Variants in HMG20A observed in about 807,000 individuals in gnomAD.
HMG20A encodes high mobility group protein 20A.
Under a neutral mutation model 43.9 loss-of-function variants are expected in HMG20A, and 17 were observed. The observed-to-expected ratio is 0.39, with a 90% CI of 0.27 to 0.58. The LOEUF (loss-of-function observed/expected upper bound fraction) is 0.58. Among genes scored for constraint, HMG20A ranks in the 20% least tolerant of loss-of-function variants. The probability of loss-of-function intolerance (pLI) is 0.59; values close to 1 mark genes in which losing one functional copy is unlikely to be tolerated. For synonymous variants in HMG20A, 132 were observed against 147.5 expected (o/e 0.89, Z 0.76); for missense variants, 341 against 438.2 (o/e 0.78, Z 1.98).
At chr15:77,471,685 A>G (rs2072810204) in intron 5 of HMG20A, 98 bp from the exon 6 acceptor site, 3 of 756,754 alleles carry the variant, frequency 4.0e-6, no homozygotes, top group African/African-American at 1.8e-5. Context: ...GAATCTACAT[A>G]TACAAGCAGG....
Position 77,467,076 on chromosome 15 carries a change from A to T in HMG20A, c.238-19A>T, listed in dbSNP as rs761122245. The T allele has an allele frequency of 1.9e-6, 3 of 1,590,492 alleles. No homozygotes were observed. Among genetic ancestry groups the T allele is most frequent in the Non-Finnish European group, 8.6e-7 (1 of 1,165,994 alleles). On this transcript the variant is annotated intron_variant, in intron 3 of 9. Coordinates refer to ENST00000336216, the MANE Select transcript of HMG20A (RefSeq NM_001304504.2). ...GTTGTTGTTTGGTTTTTGGTTTTTT[A>T]TTTTGTTTTGTTTTGTAGCAACGAA...
chr15:77,486,441 A>C (rs1322321845), downstream of HMG20A, among the ~76,000 whole-genome samples: 1 of 151,878 alleles, frequency 6.6e-6, no homozygotes, highest in African/African-American at 2.4e-5. Context: ...TTGTATTTTT[A>C]GTAGAGACAG....
intron 6 of HMG20A, 126 bp from the exon 7 acceptor site, chr15:77,477,429 C>A: frequency 1.5e-6 from 1 of 661,354 alleles, no homozygotes; most frequent in Non-Finnish European, 2.6e-6. Flanking sequence ...CCCTCACAGA[C>A]TCACCTGGAC....
chr15:77,443,121 C>T (rs954805008), intron 1 of HMG20A, among the ~76,000 whole-genome samples: 3 of 149,726 alleles, frequency 2.0e-5, no homozygotes, highest in African/African-American at 7.4e-5. Flanking sequence ...CAACCTCCAC[C>T]TCCCAGGTTT....
At chr15:77,449,298 G>A (rs1565756) in intron 1 of HMG20A, among the ~76,000 whole-genome samples, 96,749 of 151,744 alleles carry the variant, frequency 0.64, 31,330 homozygotes, top group Middle Eastern at 0.71. Context: ...CTCTCTCCTC[G>A]TCTTTTTCCC....
rs906134128 is a variant in HMG20A at position 77,433,676 on chromosome 15, A to G, written c.-5+12672A>G. 6.0e-4 allele frequency among the ~76,000 whole-genome samples: 91 copies of G among 152,046 alleles called. 4 individuals carry two copies. Among genetic ancestry groups the G allele is most frequent in the Non-Finnish European group, 3.4e-4 (23 of 68,032 alleles). ...TAGAAAGTGAAATTTTTAAAATGCC[A>G]TTTACAATAGAATCAAACAAATCAA... On this transcript the variant is annotated intron_variant, in intron 1 of 9. Coordinates refer to ENST00000336216, the MANE Select transcript of HMG20A (RefSeq NM_001304504.2).
chr15:77,473,047 T>C (rs2072824439), intron 6 of HMG20A, among the ~76,000 whole-genome samples: 1 of 152,224 alleles, frequency 6.6e-6, no homozygotes, highest in Non-Finnish European at 1.5e-5. Context: ...GATGTACTCT[T>C]TTACATGTGT....
chr15:77,484,640 T>C lies in HMG20A; in HGVS notation c.*1677T>C, dbSNP rs2072932599. The C allele has an allele frequency of 6.6e-6, 1 of 152,230 alleles. No homozygotes were observed. The highest frequency in any genetic ancestry group is 6.5e-5 in the Admixed American group (1 of 15,272). The allele number at this position is 152,230 out of a possible 1,614,324, so 9.4% of individuals were successfully genotyped here. A position where few individuals can be genotyped will look rare whatever the true frequency, so the allele number is the denominator to read the frequency against. On this transcript the variant is annotated 3_prime_UTR_variant, in exon 10 of 10. Transcript: ENST00000336216. ...TATATGAACATATATCAAATATCCA[T>C]GCGCTGAAACCCACATACCATCACT...
intron 6 of HMG20A, among the ~76,000 whole-genome samples, chr15:77,473,350 A>C (rs149223307): frequency 6.6e-6 from 1 of 152,232 alleles, no homozygotes; most frequent in East Asian, 1.9e-4. Context: ...AGACATTTGT[A>C]TAATTACTTC....
At chr15:77,451,415 T>A (rs2072600989) in intron 1 of HMG20A, among the ~76,000 whole-genome samples, 1 of 152,214 alleles carries the variant, frequency 6.6e-6, no homozygotes, top group Non-Finnish European at 1.5e-5. Flanking sequence ...CGCATCATTG[T>A]CAGCACTTAG....
chr15:77,454,892 C>G (rs1297879512), intron 1 of HMG20A, among the ~76,000 whole-genome samples: 1 of 151,884 alleles, frequency 6.6e-6, no homozygotes, highest in African/African-American at 2.4e-5. Context: ...ACCAAGGAAC[C>G]TGATGTTTTA....
chr15:77,497,905 C>G, the HMG20A span, among the ~76,000 whole-genome samples: 1 of 151,070 alleles, frequency 6.6e-6, no homozygotes, highest in Non-Finnish European at 1.5e-5. Flanking sequence ...ACCCGCCAAG[C>G]AACCCCCTAA....
chr15:77,508,039 A>G, the HMG20A span, among the ~76,000 whole-genome samples: 1 of 152,184 alleles, frequency 6.6e-6, no homozygotes, highest in East Asian at 1.9e-4. Flanking sequence ...CCCAAGCCCT[A>G]CGCACACAGT....
chr15:77,518,013 A>C, the HMG20A span, among the ~76,000 whole-genome samples: 1 of 152,210 alleles, frequency 6.6e-6, no homozygotes, highest in African/African-American at 2.4e-5. Context: ...AGATGTTAAA[A>C]AAAAATCCCT....
chr15:77,508,296 G>A, the HMG20A span, among the ~76,000 whole-genome samples: 44 of 152,194 alleles, frequency 2.9e-4, no homozygotes, highest in African/African-American at 7.9e-4. Context: ...ATGGCTGCTC[G>A]GGTTCTGCTG....
intron 4 of HMG20A, 90 bp from the exon 5 acceptor site, chr15:77,470,820 C>G (rs2072800871): frequency 8.8e-7 from 1 of 1,136,164 alleles, no homozygotes; most frequent in African/African-American, 1.6e-5. Context: ...TTCCCATGTT[C>G]TAATTGTCCT....
chr15:77,460,984 CAAAAAA>C (rs1253251689), intron 2 of HMG20A, among the ~76,000 whole-genome samples: 1 of 149,232 alleles, frequency 6.7e-6, no homozygotes, highest in Non-Finnish European at 1.5e-5. Context: ...AGCTCCATCT[CAAAAAA>C]AGAAAAAGAA....
downstream of HMG20A, among the ~76,000 whole-genome samples, chr15:77,485,824 C>T (rs1459147810): frequency 1.3e-5 from 2 of 152,194 alleles, no homozygotes; most frequent in African/African-American, 4.8e-5. Flanking sequence ...CCCAGCTACT[C>T]AGGAGGCTTA....
At chr15:77,515,722 A>G in the HMG20A span, among the ~76,000 whole-genome samples, 1 of 152,058 alleles carries the variant, frequency 6.6e-6, no homozygotes, top group Non-Finnish European at 1.5e-5. Context: ...AACACTCCAA[A>G]CATTGTAGGC....
Sources: allele counts gnomAD v4.1 joint callset (sites outside exome capture counted in the v4.1 genomes callset), GRCh38; gene constraint gnomAD v4.1.1; transcripts MANE v1.5; gene names NCBI Gene and HGNC (gene_info 2026-07-23, HGNC 2026-07-21).